MYBL1: variants seen among roughly 807,000 people sequenced by gnomAD.
MYBL1 encodes the protein MYB proto-oncogene like 1.
Under a neutral mutation model 96.3 loss-of-function variants are expected in MYBL1, and 17 were observed. The observed-to-expected ratio is 0.18, with a 90% CI of 0.12 to 0.26. The LOEUF (loss-of-function observed/expected upper bound fraction) is 0.26. Ranked by LOEUF, MYBL1 falls within the 10% of genes least tolerant of loss-of-function variation. The pLI, the probability that MYBL1 is intolerant of heterozygous loss-of-function variation, is 1.00. For missense variants in MYBL1, 701 were observed against 882.9 expected, an observed-to-expected ratio of 0.79 and a Z score of 2.61; for synonymous variants, 282 against 292.7, an observed-to-expected ratio of 0.96 and a Z score of 0.37.
chr8:66,576,762 A>G (rs925026342), intron 9 of MYBL1, among the ~76,000 whole-genome samples: 22 of 152,220 alleles, frequency 1.4e-4, no homozygotes, highest in African/African-American at 4.1e-4. Context: ...CGTGTTAAAA[A>G]TGGTGATATA....
rs899204578 is a variant in MYBL1 at position 66,586,575 on chromosome 8, G to A, written c.867+5865C>T. Among the ~76,000 whole-genome samples, 4 of 152,206 alleles carry A rather than the reference G, an allele frequency of 2.6e-5. No homozygotes were observed. In the South Asian group the frequency reaches 8.3e-4, roughly 32 times the overall value. On this transcript the variant is annotated intron_variant, in intron 8 of 15. Transcript: ENST00000522677. The stretch of plus-strand genomic sequence containing the variant: ...GTGGAGAAAGGGGAACTCTACTGTT[G>A]GAAGGAATGTAAATTAGTACAGCCA...
chr8:66,595,795 A>T, intron 5 of MYBL1, 38 bp from the exon 6 acceptor site: 1 of 1,338,560 alleles, frequency 7.5e-7, no homozygotes, highest in South Asian at 1.7e-5. Context: ...AGAAAAAAGG[A>T]TTCCACAGAT....
chr8:66,609,998 T>C (rs1382493528), intron 1 of MYBL1, among the ~76,000 whole-genome samples: 1 of 151,964 alleles, frequency 6.6e-6, no homozygotes, highest in East Asian at 1.9e-4. Flanking sequence ...GCAAAAAACA[T>C]CTTCTATTTC....
At position 66,576,307 on chromosome 8, in the gene MYBL1, G is replaced by A; in HGVS notation, c.1170C>T (p.Ser390=). The A allele has an allele frequency of 1.9e-6, 3 of 1,613,872 alleles. No individual in the cohort carries two copies. Among genetic ancestry groups the A allele is most frequent in the Non-Finnish European group, 2.5e-6 (3 of 1,179,842 alleles). ...GAATTCTCATTAATTTAACTGGGGT[G>A]GATTTGATAGGAGAAGCAGCAGCAT... The part of the protein sequence containing the change: ...ISDAAASPIK[S]TPVKLMRIQH... The change falls in exon 10 of 16, where the codon TCC becomes TCT. Residue 390 remains serine, a synonymous_variant. Coordinates refer to ENST00000522677, the MANE Select transcript of MYBL1 (RefSeq NM_001080416.4).
At position 66,612,958 on chromosome 8, in the gene MYBL1, C is replaced by T; in HGVS notation, c.-120G>A. Reference sequence around the variant, plus strand: ...CTTCCCTCGCTCCCTCTGGAGGCGGCCGAGTGCGGAACGCACGTCCTCGAC... The same window carrying T: ...CTTCCCTCGCTCCCTCTGGAGGCGGTCGAGTGCGGAACGCACGTCCTCGAC... On this transcript the variant is annotated 5_prime_UTR_variant, in exon 1 of 16. Coordinates refer to ENST00000522677, the MANE Select transcript of MYBL1 (RefSeq NM_001080416.4). The T allele has an allele frequency of 8.6e-7, 1 of 1,166,560 alleles. No homozygotes were observed. Among genetic ancestry groups the T allele is most frequent in the Non-Finnish European group, 1.1e-6 (1 of 892,818 alleles). The allele number at this position is 1,166,560 out of a possible 1,614,324, so 72.3% of individuals were successfully genotyped here. A position where few individuals can be genotyped will look rare whatever the true frequency, so the allele number is the denominator to read the frequency against.
intron 3 of MYBL1, 144 bp from the exon 4 acceptor site, chr8:66,599,286 A>G (rs1809973345): frequency 2.0e-6 from 1 of 511,196 alleles, no homozygotes; most frequent in Non-Finnish European, 3.4e-6. Flanking sequence ...CATTTATGTT[A>G]CATATCTCTG....
intron 12 of MYBL1, among the ~76,000 whole-genome samples, chr8:66,569,770 T>G (rs1168431191): frequency 6.6e-6 from 1 of 152,238 alleles, no homozygotes; most frequent in Non-Finnish European, 1.5e-5. Context: ...GCAAGAATTA[T>G]TCTCTTAATT....
intron 9 of MYBL1, among the ~76,000 whole-genome samples, chr8:66,579,744 A>G (rs2129819219): frequency 6.6e-6 from 1 of 152,236 alleles, no homozygotes; most frequent in East Asian, 1.9e-4. Flanking sequence ...AATATAATAC[A>G]GAAGTGTATT....
rs1286575875 is a variant in MYBL1 at position 66,612,880 on chromosome 8, G to A, written c.-42C>T. The A allele has an allele frequency of 2.2e-6, 3 of 1,340,204 alleles. No individual in the cohort carries two copies. Among genetic ancestry groups the A allele is most frequent in the Non-Finnish European group, 2.9e-6 (3 of 1,035,766 alleles). 83.0% of individuals were successfully genotyped at this position (1,340,204 alleles called of 1,614,324 possible). A position where few individuals can be genotyped will look rare whatever the true frequency, so the allele number is the denominator to read the frequency against. ...AGGAGCAGGCTGGGCGGGGACGCGG[G>A]TCAGCCTCCTCCAGCCTCCGGCGAA... On this transcript the variant is annotated 5_prime_UTR_variant, in exon 1 of 16. Transcript: ENST00000522677.
intron 8 of MYBL1, among the ~76,000 whole-genome samples, chr8:66,584,776 C>G (rs1389189465): frequency 2.0e-5 from 3 of 151,878 alleles, no homozygotes; most frequent in African/African-American, 7.3e-5. Context: ...ATCAAGAAAG[C>G]AATGCCATTT....
At chr8:66,612,729 G>A (rs1810580871) in intron 1 of MYBL1, 90 bp downstream of exon 1, 3 of 1,285,392 alleles carry the variant, frequency 2.3e-6, no homozygotes, top group Admixed American at 3.2e-5. Context: ...CGCCAGGGAG[G>A]GCCTTATGGC....
Position 66,566,115 on chromosome 8 carries a change from C to T in MYBL1, c.2079G>A (p.Lys693=), listed in dbSNP as rs1334424962. ...CTTTGGAAGTGTTAGGGTTTGGTTTCTTTTTAGTAAGTGTATATGTTTTGT... is the reference window on the plus strand; with the variant it reads ...CTTTGGAAGTGTTAGGGTTTGGTTTTTTTTTAGTAAGTGTATATGTTTTGT... The part of the protein sequence containing the change: ...STNKTYTLTK[K]KPNPNTSKVV... Residue 693 remains lysine (K), a synonymous_variant, in exon 15 of 16, where the codon AAG becomes AAA. Transcript: ENST00000522677. 1 of 1,543,562 alleles carries T rather than the reference C, an allele frequency of 6.5e-7. No homozygotes were observed. Among genetic ancestry groups the T allele is most frequent in the Non-Finnish European group, 8.8e-7 (1 of 1,141,224 alleles).
At chr8:66,597,681 C>A in intron 4 of MYBL1, 131 bp from the exon 5 acceptor site, 1 of 614,908 alleles carries the variant, frequency 1.6e-6, no homozygotes, top group Non-Finnish European at 2.7e-6. Context: ...AAAAAATTAC[C>A]AATAAATACC....
intron 7 of MYBL1, 105 bp downstream of exon 7, chr8:66,593,015 T>C: frequency 1.5e-6 from 1 of 686,296 alleles, no homozygotes; most frequent in Middle Eastern, 3.9e-4. Flanking sequence ...GGACAGATCG[T>C]ATTATTTTTA....
intron 1 of MYBL1, 31 bp from the exon 2 acceptor site, chr8:66,602,554 G>A (rs753780712): frequency 6.7e-7 from 1 of 1,493,380 alleles, no homozygotes; most frequent in Non-Finnish European, 9.2e-7. Context: ...GTGATATCAA[G>A]AATTTTATTT....
chr8:66,589,093 T>G (rs2129907859), intron 8 of MYBL1, among the ~76,000 whole-genome samples: 1 of 152,300 alleles, frequency 6.6e-6, no homozygotes, highest in Non-Finnish European at 1.5e-5. Context: ...CCTCTAGATT[T>G]CAGAATATAC....
intron 8 of MYBL1, among the ~76,000 whole-genome samples, chr8:66,583,036 T>C (rs1014728714): frequency 2.0e-5 from 3 of 152,206 alleles, no homozygotes; most frequent in African/African-American, 7.2e-5. Flanking sequence ...TCATCCAATA[T>C]CTGCAGAATA....
chr8:66,585,163 C>A (rs1586574366), intron 8 of MYBL1, among the ~76,000 whole-genome samples: 1 of 152,104 alleles, frequency 6.6e-6, no homozygotes, highest in South Asian at 2.1e-4. Flanking sequence ...CTATATAGAG[C>A]TGTAGTAACC....
At chr8:66,592,142 T>C (rs1323881519) in intron 8 of MYBL1, among the ~76,000 whole-genome samples, 1 of 151,936 alleles carries the variant, frequency 6.6e-6, no homozygotes, top group African/African-American at 2.4e-5. Context: ...GGCAGGCACC[T>C]GTAGTCCCAG....
Sources: gnomAD v4.1 joint callset for allele counts (sites outside exome capture counted in the v4.1 genomes callset) on GRCh38, gnomAD v4.1.1 for gene constraint, MANE v1.5 for transcripts, NCBI Gene and HGNC (gene_info 2026-07-23, HGNC 2026-07-21) for gene names.